PLAC1: variants seen among roughly 807,000 people sequenced by gnomAD.
PLAC1 encodes placenta-specific protein 1.
For missense variants in PLAC1, 136 were observed against 163.2 expected, an observed-to-expected ratio of 0.83 and a Z score of 0.91; for synonymous variants, 68 against 62.1, an observed-to-expected ratio of 1.09 and a Z score of -0.44.
intron 1 of PLAC1, chrX:134,650,961 A>T (rs1323748536): frequency 4.4e-6 from 1 of 226,093 alleles, no homozygotes; most frequent in Non-Finnish European, 9.2e-6. Context: ...GGAGCTGAAT[A>T]TCACAGCAGC....
intron 1 of PLAC1, among the ~76,000 whole-genome samples, chrX:134,621,946 A>G (rs2078213038): frequency 1.8e-5 from 2 of 111,736 alleles, no homozygotes; most frequent in Admixed American, 1.9e-4. Context: ...GCCAGCCCAC[A>G]ATATTTTCTG....
intron 1 of PLAC1, among the ~76,000 whole-genome samples, chrX:134,604,732 C>T (rs999195882): frequency 1.8e-5 from 2 of 111,306 alleles, no homozygotes; most frequent in East Asian, 2.8e-4. Context: ...TTTGCTGGGG[C>T]CTGCAGGCTC....
At chrX:134,703,074 G>T (rs1213880200) in intron 2 of PLAC1, among the ~76,000 whole-genome samples, 2 of 111,920 alleles carry the variant, frequency 1.8e-5, no homozygotes, top group African/African-American at 6.5e-5. Flanking sequence ...GAATAACAAC[G>T]ATGGGAAGGC....
rs1160752282 is a variant in PLAC1, at chrX:134,702,789, C to A, written n.174+30646G>T. On this transcript the variant is annotated intron_variant and non_coding_transcript_variant, in intron 2 of 2. Transcript: ENST00000466797. ...TAGAAAACATTGTGAATGCTCGAAG[C>A]TAGTAGGCCATTCTCTAGTACATCC... is the stretch of plus-strand genomic sequence containing the variant. Among the ~76,000 whole-genome samples the A allele has an allele frequency of 1.8e-5, 2 of 112,227 alleles. 1 individual carries two copies. Among genetic ancestry groups the A allele is most frequent in the Non-Finnish European group, 3.8e-5 (2 of 53,248 alleles).
chrX:134,719,432 C>T (rs986844458), intron 2 of PLAC1, among the ~76,000 whole-genome samples: 22 of 111,919 alleles, frequency 2.0e-4, no homozygotes, highest in African/African-American at 6.8e-4. Flanking sequence ...TGTTAATCTC[C>T]ATAGATGCAG....
intron 1 of PLAC1, among the ~76,000 whole-genome samples, chrX:134,654,306 A>G (rs2078377782): frequency 8.9e-6 from 1 of 112,199 alleles, no homozygotes; most frequent in Non-Finnish European, 1.9e-5. Context: ...CCAACTGCGT[A>G]TGGCAGCACT....
At chrX:134,711,684 A>G (rs1248097049) in intron 2 of PLAC1, among the ~76,000 whole-genome samples, 2 of 111,998 alleles carry the variant, frequency 1.8e-5, no homozygotes, top group East Asian at 5.6e-4. Context: ...TGTTCCACAC[A>G]GTTTGGCAAA....
intron 2 of PLAC1, among the ~76,000 whole-genome samples, chrX:134,730,070 T>C (rs1355842236): frequency 1.8e-5 from 2 of 111,702 alleles, no homozygotes; most frequent in East Asian, 5.7e-4. Context: ...GGATTACAGA[T>C]GTGAGCCATC....
At chrX:134,636,642 A>C (rs908811004) in intron 1 of PLAC1, among the ~76,000 whole-genome samples, 1 of 112,133 alleles carries the variant, frequency 8.9e-6, no homozygotes, top group African/African-American at 3.2e-5. Flanking sequence ...GGTGAAACTT[A>C]AAGAGAAACT....
chrX:134,566,298 A>G lies in PLAC1; in HGVS notation c.385T>C (p.Ser129Pro), dbSNP rs143793141. ...QKSPWLTKPC[S>P]MRVASKSRAT... ...CTGCTCTTGCTGGCTACTCTCATGGAGCAGGGCTTGGTGAGCCATGGGGAC... is the reference window on the plus strand; with the variant it reads ...CTGCTCTTGCTGGCTACTCTCATGGGGCAGGGCTTGGTGAGCCATGGGGAC... The change falls in exon 3 of 3, where the codon TCC (serine) becomes CCC (proline). Residue 129 changes from serine to proline, a missense_variant. Transcript: ENST00000359237. 7.9e-5 allele frequency: 95 copies of G among 1,210,131 alleles called. No individual in the cohort carries two copies. The highest frequency in any genetic ancestry group is 9.8e-5 in the Non-Finnish European group (88 of 895,287).
chrX:134,689,641 G>T lies in PLAC1; in HGVS notation n.174+43794C>A, dbSNP rs181920326. Among the ~76,000 whole-genome samples, 7 of 111,188 alleles carry T rather than the reference G, an allele frequency of 6.3e-5. No homozygotes were observed. The East Asian group carries it at 8.5e-4, about 14-fold the overall frequency. The stretch of plus-strand genomic sequence containing the variant: ...GTTGGGAGACCTGGATATCAGTACT[G>T]GCCCTGCCACTGACTCAATGTGTGA... On this transcript the variant is annotated intron_variant and non_coding_transcript_variant, in intron 2 of 2. Transcript: ENST00000466797.
At chrX:134,742,552 C>T (rs1220035175) in intron 1 of PLAC1, among the ~76,000 whole-genome samples, 2 of 110,004 alleles carry the variant, frequency 1.8e-5, no homozygotes, top group Admixed American at 9.6e-5. Flanking sequence ...CACGCCACTG[C>T]ACTCCAGCCT....
intron 2 of PLAC1, among the ~76,000 whole-genome samples, chrX:134,668,217 G>A (rs956895660): frequency 3.6e-5 from 4 of 112,422 alleles, no homozygotes; most frequent in African/African-American, 1.3e-4. Flanking sequence ...CTAAGTGAAA[G>A]AAGCCAGACA....
chrX:134,709,897 T>C (rs190660489), intron 2 of PLAC1, among the ~76,000 whole-genome samples: 1 of 111,977 alleles, frequency 8.9e-6, no homozygotes, highest in African/African-American at 3.2e-5. Context: ...TTGATGCAAA[T>C]ATAGAATACC....
At chrX:134,659,934 T>C (rs2078409835), upstream of PLAC1, among the ~76,000 whole-genome samples, 1 of 111,716 alleles carries the variant, frequency 9.0e-6, no homozygotes, top group Non-Finnish European at 1.9e-5. Flanking sequence ...CATGAATCTG[T>C]GTTTGTATCT....
intron 2 of PLAC1, among the ~76,000 whole-genome samples, chrX:134,595,270 A>C (rs1202667924): frequency 9.0e-6 from 1 of 110,646 alleles, no homozygotes; most frequent in Non-Finnish European, 1.9e-5. Context: ...GGTTTCTTTT[A>C]TGGCTCAGAA....
intron 2 of PLAC1, among the ~76,000 whole-genome samples, chrX:134,667,768 A>T (rs191003873): frequency 0.032 from 3,520 of 109,068 alleles, 40 homozygotes; most frequent in Non-Finnish European, 0.044. Context: ...TAAAAAAAAA[A>T]TTTTTTTAAA....
rs745538756 is a variant in PLAC1 at position 134,705,897 on chromosome X, A to G, written n.174+27538T>C. Among the ~76,000 whole-genome samples the G allele has an allele frequency of 2.7e-5, 3 of 112,295 alleles. No individual in the cohort carries two copies. The South Asian group carries it at 1.1e-3, about 42-fold the overall frequency. ...CTGCCAAGTACGGCTAAAAACCCTG[A>G]ACATTATGTATAAGGCAGATATAAG... On this transcript the variant is annotated intron_variant and non_coding_transcript_variant, in intron 2 of 2. Coordinates refer to the PLAC1 transcript ENST00000466797.
chrX:134,577,518 G>A (rs1569375548), intron 2 of PLAC1, among the ~76,000 whole-genome samples: 3 of 111,543 alleles, frequency 2.7e-5, no homozygotes, highest in East Asian at 2.8e-4. Context: ...GTGAAGCCCC[G>A]TCTCCACTAA....
Sources: allele counts gnomAD v4.1 joint callset (sites outside exome capture counted in the v4.1 genomes callset), GRCh38; gene constraint gnomAD v4.1.1; transcripts MANE v1.5; gene names NCBI Gene and HGNC (gene_info 2026-07-23, HGNC 2026-07-21).